Variants in SPOUT1 observed in about 807,000 individuals in gnomAD.
SPOUT1 encodes SPOUT domain containing methyltransferase 1.
A neutral mutation model predicts 54.8 loss-of-function variants in SPOUT1; 40 were observed. The ratio of observed to expected loss-of-function variants is 0.73; its 90% confidence interval spans 0.57 to 0.95. The LOEUF is 0.95. SPOUT1 is among the 40% of genes least tolerant of loss of function. The probability of loss-of-function intolerance (pLI) is 0.00; values close to 1 mark genes in which losing one functional copy is unlikely to be tolerated. For synonymous variants in SPOUT1, 193 were observed against 200.3 expected, an observed-to-expected ratio of 0.96 and a Z score of 0.31; for missense variants, 437 against 499.5, an observed-to-expected ratio of 0.87 and a Z score of 1.19.
intron 7 of SPOUT1, 64 bp downstream of exon 7, chr9:128,825,958 T>A: frequency 1.2e-6 from 2 of 1,607,216 alleles, no homozygotes; most frequent in South Asian, 2.2e-5. Flanking sequence ...AACATCCATC[T>A]GCTTGCCCTC....
At chr9:128,823,925 G>T in intron 10 of SPOUT1, 31 bp from the exon 11 acceptor site, 1 of 1,609,300 alleles carries the variant, frequency 6.2e-7, no homozygotes, top group Non-Finnish European at 8.5e-7. Context: ...TCACCTGAGC[G>T]GCCACCGAGG....
In SPOUT1 at chr9:128,824,227, C is replaced by T. The variant is rs558440546; in HGVS notation, c.812-53G>A. The T allele has an allele frequency of 7.7e-5, 51 of 658,186 alleles. No individual in the cohort carries two copies. In the Admixed American group the frequency reaches 8.7e-4, roughly 11 times the overall value. 40.8% of individuals were successfully genotyped at this position (658,186 alleles called of 1,614,324 possible). A position where few individuals can be genotyped will look rare whatever the true frequency, so the allele number is the denominator to read the frequency against. ...TCCTGCTCCCCACAAGCCATAGCTC[C>T]GGGTATTATGTGTGTGTGTACTGAG... On this transcript the variant is annotated intron_variant, in intron 9 of 11. Coordinates refer to ENST00000361256, the MANE Select transcript of SPOUT1 (RefSeq NM_016390.4).
rs146543002 is a variant in SPOUT1 at position 128,822,468 on chromosome 9, A to G, written c.*297T>C. 198 of 1,574,058 alleles carry G rather than the reference A, an allele frequency of 1.3e-4. No homozygotes were observed. In the East Asian group the frequency reaches 4.3e-3, roughly 34 times the overall value. ...GAGCTCCGCACCTACGTGATGCCCA[A>G]CGCACCTGTGGATGAGGCCATCCCA... On this transcript the variant is annotated 3_prime_UTR_variant, in exon 12 of 12. Transcript: ENST00000361256.
chr9:128,825,105 C>G, intron 7 of SPOUT1, 56 bp from the exon 8 acceptor site: 1 of 1,361,902 alleles, frequency 7.3e-7, no homozygotes, highest in Non-Finnish European at 1.0e-6. Flanking sequence ...GCAGGGGCCA[C>G]GGCTCTTCCA....
At chr9:128,823,070 G>A (rs1023025467) in intron 11 of SPOUT1, among the ~76,000 whole-genome samples, 8 of 152,156 alleles carry the variant, frequency 5.3e-5, no homozygotes, top group Non-Finnish European at 7.3e-5. Context: ...AGGTAACAAC[G>A]CCCACCTCCC....
chr9:128,825,163 G>T, intron 7 of SPOUT1, 114 bp from the exon 8 acceptor site: 2 of 722,938 alleles, frequency 2.8e-6, no homozygotes, highest in Non-Finnish European at 2.4e-6. Context: ...AAGGGGTCCA[G>T]GTCAACCTGC....
At position 128,826,112 on chromosome 9, in the gene SPOUT1, C is replaced by T; in HGVS notation, c.549G>A (p.Gln183=). The change falls in exon 7 of 12, where the codon CAG becomes CAA. Residue 183 remains glutamine, a synonymous_variant. Transcript: ENST00000361256. This position sits in a 1 kb window ranked among gnomAD's most constrained non-coding sequence, Gnocchi z 5.5. ...NPLDSPHHMR[Q]DEESEFREGI... Reference sequence around the variant, plus strand: ...CCTCTCGGAACTCGGATTCCTCATCCTGACGCATGTGGTGGGGGCTGTCCA... The same window carrying T: ...CCTCTCGGAACTCGGATTCCTCATCTTGACGCATGTGGTGGGGGCTGTCCA... 6.2e-7 allele frequency: 1 copy of T among 1,612,996 alleles called. No individual in the cohort carries two copies. Among genetic ancestry groups the T allele is most frequent in the African/African-American group, 1.3e-5 (1 of 75,052 alleles).
Position 128,826,991 on chromosome 9 carries a change from C to G in SPOUT1, c.368+41G>C. 1 of 1,598,314 alleles carries G rather than the reference C, an allele frequency of 6.3e-7. No homozygotes were observed. Among genetic ancestry groups the G allele is most frequent in the Non-Finnish European group, 8.6e-7 (1 of 1,169,064 alleles). On this transcript the variant is annotated intron_variant, in intron 4 of 11. Transcript: ENST00000361256. This position sits in a 1 kb window ranked among gnomAD's most constrained non-coding sequence, Gnocchi z 5.5. ...CCTCGGCCCATCCCGGCAGCCCCTCCCTCTCCCTGAACCCTGGCACCCTGT... is the reference window on the plus strand; with the variant it reads ...CCTCGGCCCATCCCGGCAGCCCCTCGCTCTCCCTGAACCCTGGCACCCTGT...
rs117532426 is a variant in SPOUT1 at position 128,826,379 on chromosome 9, G to A, written c.508+5C>T. The A allele has an allele frequency of 1.3e-4, 216 of 1,613,884 alleles. 1 individual carries two copies. Among genetic ancestry groups the A allele is most frequent in the East Asian group, 7.6e-4 (34 of 44,870 alleles). ...AAATGGGGGGGCGGGCCCATACAGC[G>A]TTACCTGCAAACTGTAGATCCTGGT... On this transcript the variant is annotated splice_donor_5th_base_variant and intron_variant, in intron 6 of 11. Transcript: ENST00000361256. This position sits in a 1 kb window ranked among gnomAD's most constrained non-coding sequence, Gnocchi z 5.5.
chr9:128,825,832 C>T, intron 7 of SPOUT1, 190 bp downstream of exon 7: 1 of 664,522 alleles, frequency 1.5e-6, no homozygotes, highest in African/African-American at 1.8e-5. Context: ...TGTTGATTTG[C>T]TTTTTAAGCA....
chr9:128,824,667 G>T, intron 9 of SPOUT1, 104 bp downstream of exon 9: 1 of 776,264 alleles, frequency 1.3e-6, no homozygotes, highest in Non-Finnish European at 2.2e-6. Context: ...CACACAGCAA[G>T]TTGACAGGAC....
In SPOUT1 at chr9:128,822,305, C is replaced by T. The variant is rs373823808; in HGVS notation, c.*460G>A. ...TGGGTTCATCCAGGCCCCCTGCCCA[C>T]GTGTGCCTGGGTCTGCCCACAGGAC... On this transcript the variant is annotated 3_prime_UTR_variant, in exon 12 of 12. Coordinates refer to ENST00000361256, the MANE Select transcript of SPOUT1 (RefSeq NM_016390.4). 3.9e-5 allele frequency: 62 copies of T among 1,606,022 alleles called. No individual in the cohort carries two copies. In the African/African-American group the frequency reaches 6.1e-4, roughly 16 times the overall value.
chr9:128,826,087 C>T lies in SPOUT1; in HGVS notation c.574G>A (p.Gly192Ser). The change falls in exon 7 of 12, where the codon GGC becomes AGC. Residue 192 changes from glycine (G) to serine (S), a missense_variant. Coordinates refer to ENST00000361256, the MANE Select transcript of SPOUT1 (RefSeq NM_016390.4). The surrounding 1 kb of genome is among the most constrained non-coding windows in gnomAD (Gnocchi z 5.5). ...RQDEESEFREGIVVDRPTRPG... is the reference protein window; with the variant it reads ...RQDEESEFRESIVVDRPTRPG... ...CGGGTGGGCCGATCCACCACGATGC[C>T]CTCTCGGAACTCGGATTCCTCATCC... is the stretch of plus-strand genomic sequence containing the variant. 1 of 1,613,982 alleles carries T rather than the reference C, an allele frequency of 6.2e-7. No homozygotes were observed. The highest frequency in any genetic ancestry group is 8.5e-7 in the Non-Finnish European group (1 of 1,179,912).
Position 128,826,137 on chromosome 9 carries a change from A to G in SPOUT1, c.524T>C (p.Leu175Pro), listed in dbSNP as rs1830235672. 1.2e-6 allele frequency: 2 copies of G among 1,608,286 alleles called. No homozygotes were observed. The highest frequency in any genetic ancestry group is 1.3e-5 in the African/African-American group (1 of 74,876). The change falls in exon 7 of 12, where the codon CTG (leucine) becomes CCG (proline). Residue 175 changes from leucine to proline, a missense_variant. Physicochemically the swap from Leu to Pro is moderately conservative, Grantham distance 98. Coordinates refer to ENST00000361256, the MANE Select transcript of SPOUT1 (RefSeq NM_016390.4). This position sits in a 1 kb window ranked among gnomAD's most constrained non-coding sequence, Gnocchi z 5.5. ...DLQFAGLLNP[L>P]DSPHHMRQDE... is the part of the protein sequence containing the mutation. ...CTGACGCATGTGGTGGGGGCTGTCC[A>G]GGGGGTTCAGGAGCCCTGTGGAGGC...
Position 128,829,144 on chromosome 9 carries a change from G to T in SPOUT1, c.48C>A (p.Gly16=), listed in dbSNP as rs932283907. The T allele has an allele frequency of 6.2e-7, 1 of 1,613,892 alleles. No homozygotes were observed. Reference sequence around the variant, plus strand: ...TCCATTTTCGCCACTCAATCCTTTGGCCGTGTTCACCCTGGAGAAGGAGTG... The same window carrying T: ...TCCATTTTCGCCACTCAATCCTTTGTCCGTGTTCACCCTGGAGAAGGAGTG... ...RKRPCGPGEH[G]QRIEWRKWKQ... is the part of the protein sequence containing the mutation. Residue 16 remains glycine (G), a synonymous_variant, in exon 2 of 12, where the codon GGC becomes GGA. Coordinates refer to ENST00000361256, the MANE Select transcript of SPOUT1 (RefSeq NM_016390.4).
rs1261271081 is a variant in SPOUT1 at position 128,822,091 on chromosome 9, T to C, written c.*674A>G. 1.7e-6 allele frequency: 1 copy of C among 576,942 alleles called. No homozygotes were observed. The highest frequency in any genetic ancestry group is 3.1e-6 in the Non-Finnish European group (1 of 323,566). 35.7% of individuals were successfully genotyped at this position (576,942 alleles called of 1,614,324 possible). A position where few individuals can be genotyped will look rare whatever the true frequency, so the allele number is the denominator to read the frequency against. On this transcript the variant is annotated 3_prime_UTR_variant, in exon 12 of 12. Transcript: ENST00000361256. ...TCGATTCTCCTAGCAGCGTTTATTG[T>C]CGCCCACTCTGCCTGACCCAGTGTT...
At chr9:128,827,859 T>G (rs1030633520) in intron 3 of SPOUT1, among the ~76,000 whole-genome samples, 1 of 152,152 alleles carries the variant, frequency 6.6e-6, no homozygotes, top group Non-Finnish European at 1.5e-5. Flanking sequence ...AAGTGGAGAT[T>G]GCAGTGAGCG....
intron 11 of SPOUT1, 109 bp from the exon 12 acceptor site, chr9:128,822,942 CCT>C (rs1242539937): frequency 2.3e-5 from 17 of 751,006 alleles, no homozygotes; most frequent in Non-Finnish European, 3.7e-5. Context: ...ACTGGGGTCC[CCT>C]GTCCTTAGTA....
In SPOUT1 at chr9:128,826,523, GGGA is replaced by G; in HGVS notation, c.458+14_458+16del. The G allele has an allele frequency of 6.2e-7, 1 of 1,611,242 alleles. No individual in the cohort carries two copies. The highest frequency in any genetic ancestry group is 8.5e-7 in the Non-Finnish European group (1 of 1,177,776). On this transcript the variant is annotated intron_variant, in intron 5 of 11. Coordinates refer to ENST00000361256, the MANE Select transcript of SPOUT1 (RefSeq NM_016390.4). This position sits in a 1 kb window ranked among gnomAD's most constrained non-coding sequence, Gnocchi z 5.5. ...TGACACACCCCTCCCTCATGCTTAG[GGGA>G]GTGACCCCCTTACTGTGGACACTCC...
Sources: gnomAD v4.1 joint callset for allele counts (sites outside exome capture counted in the v4.1 genomes callset) on GRCh38, gnomAD v4.1.1 for gene constraint, Gnocchi (gnomAD v3.1) non-coding constraint, MANE v1.5 for transcripts, NCBI Gene and HGNC (gene_info 2026-07-23, HGNC 2026-07-21) for gene names.